PARD3B: variants seen among roughly 807,000 people sequenced by gnomAD.
PARD3B encodes par-3 family cell polarity regulator beta.
In PARD3B, 103 loss-of-function variants were observed where a neutral mutation model predicts 130.2. The ratio of observed to expected loss-of-function variants is 0.79; its 90% CI spans 0.67 to 0.93. The LOEUF is 0.93. Among genes scored for constraint, PARD3B ranks in the 40% least tolerant of loss-of-function variants. The probability of loss-of-function intolerance (pLI) is 0.00; values close to 1 mark genes in which losing one functional copy is unlikely to be tolerated. For synonymous variants in PARD3B, 583 were observed against 553.2 expected (o/e 1.05, Z -0.76); for missense variants, 1,609 against 1,499.2 (o/e 1.07, Z -1.21).
In PARD3B at chr2:205,553,330, G is replaced by A. The variant is rs865895511; in HGVS notation, c.3187G>A (p.Gly1063Arg). 1 of 1,613,842 alleles carries A rather than the reference G, an allele frequency of 6.2e-7. No individual in the cohort carries two copies. Among genetic ancestry groups the A allele is most frequent in the Non-Finnish European group, 8.5e-7 (1 of 1,179,770 alleles). ...PSEYDLLWVP[G>R]RGPDGNAHNL... ...ATTGCTTTTCTCTCCACAGGTGCCTGGAAGGGGTCCAGATGGGAATGCACA... is the reference window on the plus strand; with the variant it reads ...ATTGCTTTTCTCTCCACAGGTGCCTAGAAGGGGTCCAGATGGGAATGCACA... Residue 1063 changes from glycine to arginine, a missense_variant, in exon 22 of 23, where the codon GGA (glycine) becomes AGA (arginine). Physicochemically the swap from Gly to Arg is moderately radical, Grantham distance 125. Transcript: ENST00000406610.
chr2:204,785,002 T>C (rs1467544163), intron 2 of PARD3B, among the ~76,000 whole-genome samples: 1 of 152,008 alleles, frequency 6.6e-6, no homozygotes, highest in Non-Finnish European at 1.5e-5. Context: ...ATCAAACTCC[T>C]AACTTTGGTC....
At chr2:204,779,445 C>T (rs187943459) in intron 2 of PARD3B, among the ~76,000 whole-genome samples, 13 of 152,220 alleles carry the variant, frequency 8.5e-5, no homozygotes, top group African/African-American at 1.4e-4. Flanking sequence ...CTAGCCATCA[C>T]GTATGTGTCT....
intron 21 of PARD3B, among the ~76,000 whole-genome samples, chr2:205,517,137 C>CT (rs372558560): frequency 1.2e-4 from 19 of 152,182 alleles, no homozygotes; most frequent in African/African-American, 4.3e-4. Flanking sequence ...GATGGATAAG[C>CT]TTTTTGATGT....
chr2:205,100,987 C>T (rs1702741184), intron 4 of PARD3B, among the ~76,000 whole-genome samples: 1 of 152,088 alleles, frequency 6.6e-6, no homozygotes, highest in Non-Finnish European at 1.5e-5. Context: ...AAAATAAATA[C>T]ATTGGACTTC....
chr2:205,172,246 A>C lies in PARD3B; in HGVS notation c.1656A>C (p.Ala552=). Residue 552 remains alanine (A), a synonymous_variant, in exon 12 of 23, where the codon GCA becomes GCC. Coordinates refer to ENST00000406610, the MANE Select transcript of PARD3B (RefSeq NM_001302769.2). ...TGCGAATGAATGACCAGCTGATTGC[A>C]GTTAATGGGGAATCTCTTTTGGGAA... ...GRLRMNDQLI[A]VNGESLLGKS... 1.9e-6 allele frequency: 3 copies of C among 1,614,114 alleles called. No individual in the cohort carries two copies. Among genetic ancestry groups the C allele is most frequent in the Non-Finnish European group, 2.5e-6 (3 of 1,180,024 alleles).
chr2:204,592,753 C>T (rs1008942283), intron 1 of PARD3B, among the ~76,000 whole-genome samples: 1 of 152,158 alleles, frequency 6.6e-6, no homozygotes, highest in African/African-American at 2.4e-5. Flanking sequence ...CCAAAGAAAC[C>T]CCACTCTTCT....
In PARD3B at chr2:205,105,149, C is replaced by T. The variant is rs895002315; in HGVS notation, c.593+635C>T. ...GTCCTGTGAGCTTAGACAAGTTACT[C>T]ATTTCTCTTTCTCTTAGTTTCTAGT... On this transcript the variant is annotated intron_variant, in intron 5 of 22. Transcript: ENST00000406610. This position sits in a 1 kb window ranked among gnomAD's most constrained non-coding sequence, Gnocchi z 4.0. Among the ~76,000 whole-genome samples, 2 of 152,132 alleles carry T rather than the reference C, an allele frequency of 1.3e-5. No homozygotes were observed. The highest frequency in any genetic ancestry group is 4.8e-5 in the African/African-American group (2 of 41,424).
intron 2 of PARD3B, among the ~76,000 whole-genome samples, chr2:204,777,549 A>G (rs1028144737): frequency 6.6e-6 from 1 of 152,158 alleles, no homozygotes; most frequent in African/African-American, 2.4e-5. Context: ...CAGGAGGATC[A>G]CTTGAATCCA....
intron 4 of PARD3B, among the ~76,000 whole-genome samples, chr2:205,062,291 G>A (rs980375655): frequency 7.2e-5 from 11 of 152,106 alleles, no homozygotes; most frequent in Non-Finnish European, 1.3e-4. Context: ...GGAGAAATTA[G>A]TGTTTAATAT....
intron 1 of PARD3B, among the ~76,000 whole-genome samples, chr2:204,666,748 A>G (rs550289906): frequency 6.6e-6 from 1 of 152,302 alleles, no homozygotes; most frequent in Non-Finnish European, 1.5e-5. Flanking sequence ...GTAGAATGCC[A>G]TGCACTCAGT....
chr2:204,553,273 A>T (rs1236557927), intron 1 of PARD3B, among the ~76,000 whole-genome samples: 1 of 152,144 alleles, frequency 6.6e-6, no homozygotes, highest in Non-Finnish European at 1.5e-5. Context: ...GTTGGTGTGG[A>T]TGTGGTGAAC....
At chr2:205,157,368 T>G (rs1427093020) in intron 10 of PARD3B, among the ~76,000 whole-genome samples, 1 of 152,188 alleles carries the variant, frequency 6.6e-6, no homozygotes, top group Admixed American at 6.5e-5. Context: ...TGTAATAGAT[T>G]TATTAAGCCA....
At chr2:204,772,452 T>A (rs2041427350) in intron 2 of PARD3B, among the ~76,000 whole-genome samples, 1 of 152,116 alleles carries the variant, frequency 6.6e-6, no homozygotes, top group Non-Finnish European at 1.5e-5. Flanking sequence ...TCCTGAACTG[T>A]AATTAACTAT....
At chr2:204,865,200 G>A (rs2045359695) in intron 2 of PARD3B, among the ~76,000 whole-genome samples, 1 of 152,134 alleles carries the variant, frequency 6.6e-6, no homozygotes, top group Non-Finnish European at 1.5e-5. Flanking sequence ...AACCACTATG[G>A]AAAACTGTGG....
chr2:204,877,692 C>T (rs1277795354), intron 2 of PARD3B, among the ~76,000 whole-genome samples: 2 of 152,068 alleles, frequency 1.3e-5, no homozygotes, highest in Non-Finnish European at 2.9e-5. Flanking sequence ...AACAGGAAAA[C>T]ACTGGTAATT....
intron 4 of PARD3B, among the ~76,000 whole-genome samples, chr2:205,054,548 C>G (rs1308571460): frequency 1.3e-5 from 2 of 148,506 alleles, no homozygotes; most frequent in Middle Eastern, 3.2e-3. Flanking sequence ...TGCACCCATT[C>G]ACTCGTCATT....
chr2:204,972,608 G>A (rs1220391083), intron 3 of PARD3B, among the ~76,000 whole-genome samples: 1 of 151,968 alleles, frequency 6.6e-6, no homozygotes, highest in East Asian at 1.9e-4. Flanking sequence ...ATTATTAAAA[G>A]GAATTTACAT....
intron 2 of PARD3B, among the ~76,000 whole-genome samples, chr2:204,866,050 G>A (rs2045401773): frequency 6.6e-6 from 1 of 152,168 alleles, no homozygotes; most frequent in African/African-American, 2.4e-5. Context: ...TACCTTCACT[G>A]AGGGCTTGTA....
At chr2:205,560,169 A>G (rs942247945) in intron 22 of PARD3B, among the ~76,000 whole-genome samples, 5 of 152,226 alleles carry the variant, frequency 3.3e-5, no homozygotes, top group African/African-American at 1.2e-4. Flanking sequence ...GACTAAGGTT[A>G]TGAAGCTCAG....
Sources: gnomAD v4.1 joint callset for allele counts (sites outside exome capture counted in the v4.1 genomes callset) on GRCh38, gnomAD v4.1.1 for gene constraint, Gnocchi (gnomAD v3.1) non-coding constraint, MANE v1.5 for transcripts, NCBI Gene and HGNC (gene_info 2026-07-23, HGNC 2026-07-21) for gene names.